Variants in TMEM232 observed in about 807,000 individuals in gnomAD.
TMEM232 encodes transmembrane protein 232.
TMEM232 carries 80 observed loss-of-function variants against 78.8 expected under a neutral mutation model. The ratio of observed to expected loss-of-function variants is 1.01; its 90% confidence interval spans 0.85 to 1.22. The LOEUF is 1.22. Ranked by LOEUF, TMEM232 falls within the 50% of genes most tolerant of loss-of-function variation. TMEM232 has a pLI of 0.00. For missense variants in TMEM232, 881 were observed against 742.2 expected (o/e 1.19, Z -2.17); for synonymous variants, 297 against 254.3 (o/e 1.17, Z -1.60).
chr5:110,573,261 T>C (rs1296085579), intron 10 of TMEM232, among the ~76,000 whole-genome samples: 1 of 152,058 alleles, frequency 6.6e-6, no homozygotes, highest in African/African-American at 2.4e-5. Flanking sequence ...AAGCGAAATA[T>C]GAATATTTCT....
chr5:110,656,714 G>A (rs930457562), intron 2 of TMEM232, among the ~76,000 whole-genome samples: 9 of 151,814 alleles, frequency 5.9e-5, no homozygotes, highest in Middle Eastern at 3.4e-3. Flanking sequence ...GCAGGGCACC[G>A]GTAGTCCCAG....
intron 10 of TMEM232, among the ~76,000 whole-genome samples, chr5:110,597,702 T>C (rs1031282893): frequency 2.6e-5 from 4 of 151,438 alleles, no homozygotes; most frequent in Non-Finnish European, 4.4e-5. Context: ...CCCTCAGAAA[T>C]AACACCGCAT....
chr5:110,528,609 T>A lies in TMEM232; in HGVS notation c.1682A>T (p.Gln561Leu), dbSNP rs1770954445. Residue 561 changes from glutamine (Q) to leucine (L), a missense_variant, in exon 12 of 14, where the codon CAA becomes CTA. Gln to Leu is a moderately radical substitution (Grantham distance 113). Transcript: ENST00000455884. ...TTACCTTACAGTGAAATGTAGAACT[T>A]GCTTTTTCACAGACTCCAGCTTTTT... ...PNKKLESVKK[Q>L]VLHFTVREHP... The A allele has an allele frequency of 1.3e-6, 2 of 1,530,918 alleles. No individual in the cohort carries two copies. Among genetic ancestry groups the A allele is most frequent in the Non-Finnish European group, 1.7e-6 (2 of 1,144,426 alleles). The allele number at this position is 1,530,918 out of a possible 1,614,324, so 94.8% of individuals were successfully genotyped here. A position where few individuals can be genotyped will look rare whatever the true frequency, so the allele number is the denominator to read the frequency against.
chr5:110,633,633 T>C (rs933820718), intron 5 of TMEM232, among the ~76,000 whole-genome samples: 23 of 152,170 alleles, frequency 1.5e-4, no homozygotes, highest in African/African-American at 4.6e-4. Context: ...CTCTCTTTCC[T>C]GCTGCCTTGT....
At chr5:110,546,050 T>G (rs997492253) in intron 11 of TMEM232, among the ~76,000 whole-genome samples, 1 of 152,150 alleles carries the variant, frequency 6.6e-6, no homozygotes, top group African/African-American at 2.4e-5. Flanking sequence ...ATATTGAATT[T>G]GTCACATGAA....
chr5:110,419,668 C>A lies in TMEM232; in HGVS notation c.*912G>T, dbSNP rs1480568332. Reference sequence around the variant, plus strand: ...GGCTTCACTAATTTATGTTACCTTTCTGACCTGGTAGTCATTTGAGTTTGA... The same window carrying A: ...GGCTTCACTAATTTATGTTACCTTTATGACCTGGTAGTCATTTGAGTTTGA... On this transcript the variant is annotated 3_prime_UTR_variant, in exon 14 of 14. Transcript: ENST00000455884. Among the ~76,000 whole-genome samples the A allele has an allele frequency of 6.6e-6, 1 of 152,080 alleles. No individual in the cohort carries two copies. Among genetic ancestry groups the A allele is most frequent in the Admixed American group, 6.6e-5 (1 of 15,262 alleles).
At chr5:110,738,909 G>T (rs1023460884), upstream of TMEM232, 6 of 1,322,238 alleles carry the variant, frequency 4.5e-6, no homozygotes, top group Admixed American at 1.8e-4. Context: ...GGTTACCGCC[G>T]CGTCTCCCTA....
chr5:110,632,209 T>G (rs926260907), intron 5 of TMEM232, among the ~76,000 whole-genome samples: 4 of 151,930 alleles, frequency 2.6e-5, no homozygotes, highest in African/African-American at 9.7e-5. Flanking sequence ...TACAAAGGGC[T>G]CTACTAACCA....
chr5:110,561,719 C>T (rs1386708319), intron 11 of TMEM232, among the ~76,000 whole-genome samples: 1 of 152,070 alleles, frequency 6.6e-6, no homozygotes, highest in Admixed American at 6.6e-5. Context: ...AATGGTTCTA[C>T]TGGTCTGAGC....
Position 110,552,055 on chromosome 5 carries a change from AATAAG to A in TMEM232, c.1455+16387_1455+16391del, listed in dbSNP as rs1421558891. 9.8e-5 allele frequency among the ~76,000 whole-genome samples: 15 copies of A among 152,296 alleles called. No homozygotes were observed. The East Asian group carries it at 2.9e-3, about 29-fold the overall frequency. ...CATAAAAATACAGAAAGAAATGAAGAATAAGATAATAACAAAATATATTTTGGCTT... is the reference window on the plus strand; with the variant it reads ...CATAAAAATACAGAAAGAAATGAAGAATAATAACAAAATATATTTTGGCTT... On this transcript the variant is annotated intron_variant, in intron 11 of 13. Coordinates refer to ENST00000455884, the MANE Select transcript of TMEM232 (RefSeq NM_001039763.4).
intron 12 of TMEM232, among the ~76,000 whole-genome samples, chr5:110,432,528 A>G (rs1242570747): frequency 2.6e-5 from 4 of 151,704 alleles, no homozygotes; most frequent in Non-Finnish European, 4.4e-5. Flanking sequence ...ACAAAAGCAC[A>G]TGCAAGCACA....
intron 10 of TMEM232, among the ~76,000 whole-genome samples, chr5:110,580,414 T>C (rs1038847970): frequency 4.0e-5 from 6 of 151,718 alleles, no homozygotes; most frequent in African/African-American, 1.4e-4. Flanking sequence ...CAATAGGCTA[T>C]ACCAGGTACC....
rs1783222203 is a variant in TMEM232, at chr5:110,618,508, C to T, written c.823G>A (p.Val275Ile). The T allele has an allele frequency of 6.4e-7, 1 of 1,551,688 alleles. No individual in the cohort carries two copies. The highest frequency in any genetic ancestry group is 8.7e-7 in the Non-Finnish European group (1 of 1,146,870). ...LWHCVAAWSC[V>I]QNNSPQLNNV... ...TTCAACTGAGGACTGTTATTCTGAA[C>T]ACAAGACCAAGCAGCAACACAGTGC... Residue 275 changes from valine to isoleucine, a missense_variant, in exon 8 of 14, where the codon GTT becomes ATT. Physicochemically the swap from Val to Ile is conservative, Grantham distance 29. Coordinates refer to ENST00000455884, the MANE Select transcript of TMEM232 (RefSeq NM_001039763.4).
At chr5:110,706,801 T>A (rs1277775182) in intron 1 of TMEM232, among the ~76,000 whole-genome samples, 1 of 152,148 alleles carries the variant, frequency 6.6e-6, no homozygotes, top group African/African-American at 2.4e-5. Flanking sequence ...GACACCAGCA[T>A]AGGATAAGAG....
chr5:110,480,256 A>C (rs1210686877), intron 12 of TMEM232, among the ~76,000 whole-genome samples: 1 of 151,994 alleles, frequency 6.6e-6, no homozygotes, highest in East Asian at 1.9e-4. Context: ...TCAGAGATTA[A>C]GAAAAAATAA....
intron 5 of TMEM232, among the ~76,000 whole-genome samples, chr5:110,631,973 T>G (rs1353277687): frequency 6.6e-6 from 1 of 151,834 alleles, no homozygotes; most frequent in Non-Finnish European, 1.5e-5. Flanking sequence ...CCAGAGCAAG[T>G]ATCTTGTATG....
chr5:110,658,811 G>C (rs7705619), intron 2 of TMEM232, among the ~76,000 whole-genome samples: 256 of 152,074 alleles, frequency 1.7e-3, no homozygotes, highest in African/African-American at 5.7e-3. Flanking sequence ...TGCATTCTTT[G>C]GCTTAAAAAA....
At chr5:110,519,965 CAGG>C (rs564005007) in intron 12 of TMEM232, among the ~76,000 whole-genome samples, 251 of 150,062 alleles carry the variant, frequency 1.7e-3, no homozygotes, top group Non-Finnish European at 2.8e-3. Flanking sequence ...TACTAGAAGT[CAGG>C]AGGAGTAGTG....
chr5:110,634,006 A>G (rs1181708004), intron 5 of TMEM232, among the ~76,000 whole-genome samples: 2 of 152,154 alleles, frequency 1.3e-5, no homozygotes, highest in Admixed American at 1.3e-4. Context: ...GGAAAAACAT[A>G]CTCCACACAA....
Sources: gnomAD v4.1 joint callset for allele counts (sites outside exome capture counted in the v4.1 genomes callset) on GRCh38, gnomAD v4.1.1 for gene constraint, MANE v1.5 for transcripts, NCBI Gene and HGNC (gene_info 2026-07-23, HGNC 2026-07-21) for gene names.